MAX: variants seen among roughly 807,000 people sequenced by gnomAD.
The protein encoded by MAX is protein max.
Under a neutral mutation model 22.3 loss-of-function variants are expected in MAX, and 3 were observed. The ratio of observed to expected loss-of-function variants is 0.13; its 90% CI spans 0.06 to 0.35. The LOEUF (loss-of-function observed/expected upper bound fraction) is 0.35. Ranked by LOEUF, MAX falls within the 10% of genes least tolerant of loss-of-function variation. The pLI, the probability that MAX is intolerant of heterozygous loss-of-function variation, is 1.00. For missense variants in MAX, 119 were observed against 209.4 expected (o/e 0.57, Z 2.66); for synonymous variants, 72 against 77.7 (o/e 0.93, Z 0.39).
chr14:65,012,398 A>C lies in MAX; in HGVS notation c.172-6114T>G. The stretch of plus-strand genomic sequence containing the variant: ...TGACAGATGCCTATGAGGTAAACAC[A>C]TTACCCAGGAACTCTTGCTGTCAAA... On this transcript the variant is annotated intron_variant, in intron 3 of 3. Coordinates refer to the MAX transcript ENST00000341653. This position sits in a 1 kb window ranked among gnomAD's most constrained non-coding sequence, Gnocchi z 5.0. The C allele has an allele frequency of 6.2e-7, 1 of 1,614,084 alleles. No homozygotes were observed. Among genetic ancestry groups the C allele is most frequent in the South Asian group, 1.1e-5 (1 of 91,086 alleles).
rs527700504 is a variant in MAX at position 65,060,467 on chromosome 14, C to T, written c.171+33241G>A. Among the ~76,000 whole-genome samples, 37 of 104,894 alleles carry T rather than the reference C, an allele frequency of 3.5e-4. 11 individuals carry two copies. The highest frequency in any genetic ancestry group is 2.3e-3 in the African/African-American group (28 of 11,980). 68.8% of individuals were successfully genotyped at this position (104,894 alleles called of 152,430 possible). On this transcript the variant is annotated intron_variant, in intron 3 of 3. Transcript: ENST00000341653. ...ATCCCAGCACTTTGGGAGGCCGAGG[C>T]GGGCGGATCACGAGGTCAGGAGATC...
intron 3 of MAX, among the ~76,000 whole-genome samples, chr14:65,067,625 G>GGT (rs2062943843): frequency 7.1e-6 from 1 of 140,670 alleles, no homozygotes; most frequent in Admixed American, 7.1e-5. Context: ...ATGGGTTTAT[G>GGT]TTTTTTTTTT....
chr14:65,025,207 G>C (rs1002832794), intron 3 of MAX, among the ~76,000 whole-genome samples: 3 of 152,174 alleles, frequency 2.0e-5, no homozygotes, highest in Non-Finnish European at 4.4e-5. Flanking sequence ...GGTGTGTCTG[G>C]TACATTCAGA....
In MAX at chr14:65,086,783, C is replaced by T. The variant is rs190495811; in HGVS notation, c.171+6925G>A. Among the ~76,000 whole-genome samples the T allele has an allele frequency of 1.8e-4, 28 of 152,378 alleles. No homozygotes were observed. The East Asian group carries it at 4.6e-3, about 25-fold the overall frequency. On this transcript the variant is annotated intron_variant, in intron 3 of 4. Transcript: ENST00000358664. ...TTTTCTGAGAAGAAATTCAAGCCAG[C>T]TGCAGAGATTTGCATAAGTAATGAG...
intron 3 of MAX, among the ~76,000 whole-genome samples, chr14:65,019,363 T>C (rs547713875): frequency 5.7e-4 from 87 of 151,412 alleles, no homozygotes; most frequent in African/African-American, 2.0e-3. Context: ...GGCTGGCACC[T>C]GTAATCCCAG....
At chr14:65,040,695 C>A in intron 3 of MAX, 1 of 1,277,598 alleles carries the variant, frequency 7.8e-7, no homozygotes, top group Non-Finnish European at 1.0e-6. Flanking sequence ...ACACCTTAAT[C>A]TGAGTGAACT....
In MAX at chr14:65,060,733, C is replaced by T. The variant is rs1002333342; in HGVS notation, c.171+32975G>A. 8.8e-4 allele frequency among the ~76,000 whole-genome samples: 122 copies of T among 139,292 alleles called. 1 individual carries two copies. Among genetic ancestry groups the T allele is most frequent in the Non-Finnish European group, 1.2e-3 (78 of 64,320 alleles). The allele number at this position is 139,292 out of a possible 152,430, so 91.4% of individuals were successfully genotyped here. A position where few individuals can be genotyped will look rare whatever the true frequency, so the allele number is the denominator to read the frequency against. On this transcript the variant is annotated intron_variant, in intron 3 of 3. Transcript: ENST00000341653. The stretch of plus-strand genomic sequence containing the variant: ...AAAAAAAATACAAAAATTACCCAGG[C>T]GTGGTGGCTCACACCTGTAATCCCA...
At chr14:65,045,677 A>G (rs1421269616) in intron 3 of MAX, among the ~76,000 whole-genome samples, 7 of 152,068 alleles carry the variant, frequency 4.6e-5, no homozygotes, top group Admixed American at 1.3e-4. Context: ...CGGCCTCCCA[A>G]AGTGCTGGGA....
At chr14:65,035,018 A>G (rs1178028488) in intron 3 of MAX, among the ~76,000 whole-genome samples, 1 of 152,198 alleles carries the variant, frequency 6.6e-6, no homozygotes, top group Non-Finnish European at 1.5e-5. Context: ...TCTTGCTTAG[A>G]AGTTGCTTTG....
intron 3 of MAX, among the ~76,000 whole-genome samples, chr14:65,048,670 T>C (rs1172981913): frequency 6.6e-6 from 1 of 152,052 alleles, no homozygotes; most frequent in African/African-American, 2.4e-5. Context: ...CTGGGCAATA[T>C]AGTGAGAGCT....
chr14:65,030,981 T>A lies in MAX; in HGVS notation c.172-24697A>T, dbSNP rs1566556439. Among the ~76,000 whole-genome samples the A allele has an allele frequency of 6.6e-6, 1 of 151,922 alleles. No individual in the cohort carries two copies. Among genetic ancestry groups the A allele is most frequent in the Non-Finnish European group, 1.5e-5 (1 of 67,978 alleles). On this transcript the variant is annotated intron_variant, in intron 3 of 3. Coordinates refer to the MAX transcript ENST00000341653. The surrounding 1 kb of genome is among the most constrained non-coding windows in gnomAD (Gnocchi z 4.5). ...TGCCACCATGCCCAGCTAATTTTTG[T>A]ATTTTTAGTAGAGACGAGGTCTCAC...
At chr14:65,050,983 T>C (rs2062593793) in intron 3 of MAX, among the ~76,000 whole-genome samples, 1 of 152,238 alleles carries the variant, frequency 6.6e-6, no homozygotes, top group South Asian at 2.1e-4. Flanking sequence ...CATATATGTA[T>C]GTATCTTCTA....
chr14:65,061,268 G>T, intron 3 of MAX: 1 of 1,614,154 alleles, frequency 6.2e-7, no homozygotes. Context: ...CCCAGGTTTT[G>T]AGGAGCTTAA....
chr14:65,061,599 C>T, intron 3 of MAX: 1 of 330,084 alleles, frequency 3.0e-6, no homozygotes, highest in Non-Finnish European at 5.8e-6. Flanking sequence ...CTCACCAGCT[C>T]TCCAGCCAGG....
rs986636448 is a variant in MAX at position 65,028,733 on chromosome 14, C to A, written c.172-22449G>T. On this transcript the variant is annotated intron_variant, in intron 3 of 3. Transcript: ENST00000341653. This position sits in a 1 kb window ranked among gnomAD's most constrained non-coding sequence, Gnocchi z 4.4. Reference sequence around the variant, plus strand: ...CCAACCAAAAAAATTAGATTAGGATCTGTGTATACCAGTGAAACCAGTAGA... The same window carrying A: ...CCAACCAAAAAAATTAGATTAGGATATGTGTATACCAGTGAAACCAGTAGA... Among the ~76,000 whole-genome samples the A allele has an allele frequency of 6.6e-6, 1 of 152,186 alleles. No individual in the cohort carries two copies. The highest frequency in any genetic ancestry group is 1.5e-5 in the Non-Finnish European group (1 of 68,034).
In MAX at chr14:65,076,112, C is replaced by A; in HGVS notation, c.*364G>T. 7.8e-7 allele frequency: 1 copy of A among 1,283,362 alleles called. No homozygotes were observed. The highest frequency in any genetic ancestry group is 1.5e-5 in the African/African-American group (1 of 67,024). 79.5% of individuals were successfully genotyped at this position (1,283,362 alleles called of 1,614,324 possible). A position where few individuals can be genotyped will look rare whatever the true frequency, so the allele number is the denominator to read the frequency against. On this transcript the variant is annotated 3_prime_UTR_variant, in exon 5 of 5. Transcript: ENST00000358664. The surrounding 1 kb of genome is among the most constrained non-coding windows in gnomAD (Gnocchi z 6.6). ...CTGGGCAGGGCAGGCGTCCCCCGGG[C>A]ATGTGCCCGGCAGGGCTGGAGGAGC... is the stretch of plus-strand genomic sequence containing the variant.
At chr14:65,010,669 T>C (rs2061668508) in intron 3 of MAX, among the ~76,000 whole-genome samples, 1 of 152,200 alleles carries the variant, frequency 6.6e-6, no homozygotes, top group South Asian at 2.1e-4. Context: ...TTTCCTCATC[T>C]CAAAAACCTT....
intron 2 of MAX, among the ~76,000 whole-genome samples, chr14:65,100,358 G>C (rs182322745): frequency 2.0e-5 from 3 of 152,344 alleles, no homozygotes; most frequent in East Asian, 3.9e-4. Flanking sequence ...GCTGAGGCAA[G>C]AGAATCGCTT....
chr14:65,059,919 C>T (rs1254266143), intron 3 of MAX, among the ~76,000 whole-genome samples: 4 of 150,642 alleles, frequency 2.7e-5, no homozygotes, highest in East Asian at 3.9e-4. Flanking sequence ...CTGCAACCTC[C>T]GCCTCCCGGG....
Sources: gnomAD v4.1 joint callset for allele counts (sites outside exome capture counted in the v4.1 genomes callset) on GRCh38, gnomAD v4.1.1 for gene constraint, Gnocchi (gnomAD v3.1) non-coding constraint, MANE v1.5 for transcripts, NCBI Gene and HGNC (gene_info 2026-07-23, HGNC 2026-07-21) for gene names.